Variants in CNTN5 observed in about 807,000 individuals in gnomAD.
CNTN5 encodes contactin 5, also known as contactin-5.
CNTN5 carries 77 observed loss-of-function variants against 129.1 expected under a neutral mutation model. That is an observed-to-expected ratio of 0.60 (90% confidence interval 0.50 to 0.72). The LOEUF (loss-of-function observed/expected upper bound fraction) is 0.72, where lower values mean the gene tolerates loss of function less well. Ranked by LOEUF, CNTN5 falls within the 30% of genes least tolerant of loss-of-function variation. The pLI, the probability that CNTN5 is intolerant of heterozygous loss-of-function variation, is 0.00. For missense variants in CNTN5, 1,478 were observed against 1,328.8 expected, an observed-to-expected ratio of 1.11 and a Z score of -1.75; for synonymous variants, 509 against 465.6, an observed-to-expected ratio of 1.09 and a Z score of -1.20.
chr11:99,682,205 T>G (rs979723811), intron 3 of CNTN5, among the ~76,000 whole-genome samples: 1 of 152,046 alleles, frequency 6.6e-6, no homozygotes, highest in African/African-American at 2.4e-5. Flanking sequence ...ATTTATTTCT[T>G]GAAATATGAC....
chr11:100,270,015 C>A (rs1018650906), intron 17 of CNTN5, among the ~76,000 whole-genome samples: 1 of 152,146 alleles, frequency 6.6e-6, no homozygotes, highest in East Asian at 1.9e-4. Context: ...AGACTCCAAG[C>A]GTACTGCTCA....
chr11:99,524,812 CA>C lies in CNTN5; in HGVS notation c.-70-31324del, dbSNP rs559025984. Among the ~76,000 whole-genome samples the C allele has an allele frequency of 1.6e-3, 238 of 148,790 alleles. 2 individuals carry two copies. Among genetic ancestry groups the C allele is most frequent in the African/African-American group, 4.8e-3 (193 of 40,572 alleles). On this transcript the variant is annotated intron_variant, in intron 2 of 24. Coordinates refer to ENST00000524871, the MANE Select transcript of CNTN5 (RefSeq NM_014361.4). ...AGCAAGATTCCATCTCAAAAAAAAA[CA>C]AAAAAAAAGTGTATTTATATGTATA... is the stretch of plus-strand genomic sequence containing the variant.
intron 13 of CNTN5, among the ~76,000 whole-genome samples, chr11:100,174,030 G>A (rs533022298): frequency 3.9e-5 from 6 of 152,208 alleles, no homozygotes; most frequent in South Asian, 2.1e-4. Flanking sequence ...TCAGAGCTAA[G>A]CTTTACCTTT....
At chr11:100,231,890 C>T (rs1949498338) in intron 16 of CNTN5, among the ~76,000 whole-genome samples, 1 of 152,182 alleles carries the variant, frequency 6.6e-6, no homozygotes, top group African/African-American at 2.4e-5. Flanking sequence ...CACAGTGGCT[C>T]ACACCTGTAT....
intron 1 of CNTN5, among the ~76,000 whole-genome samples, chr11:99,312,285 G>A (rs376139730): frequency 4.6e-5 from 7 of 152,014 alleles, no homozygotes; most frequent in East Asian, 1.9e-4. Flanking sequence ...ATGAAACACC[G>A]GGGTTAAAGA....
intron 8 of CNTN5, among the ~76,000 whole-genome samples, chr11:99,987,477 A>T (rs1938760793): frequency 6.6e-6 from 1 of 150,640 alleles, no homozygotes; most frequent in Non-Finnish European, 1.5e-5. Flanking sequence ...TTCTTTCTCC[A>T]TATGTGTATA....
At chr11:100,335,510 G>A (rs1008004596) in intron 21 of CNTN5, among the ~76,000 whole-genome samples, 6 of 152,160 alleles carry the variant, frequency 3.9e-5, no homozygotes, top group Non-Finnish European at 7.3e-5. Flanking sequence ...GGTGGCTCAC[G>A]CCTGTCCAGC....
At chr11:100,250,446 C>T (rs1177025533) in intron 16 of CNTN5, among the ~76,000 whole-genome samples, 3 of 151,750 alleles carry the variant, frequency 2.0e-5, no homozygotes, top group Non-Finnish European at 2.9e-5. Flanking sequence ...AATTGTATGT[C>T]AAGTACCATG....
At chr11:99,701,424 TGAAGA>T (rs920553845) in intron 3 of CNTN5, among the ~76,000 whole-genome samples, 1 of 151,230 alleles carries the variant, frequency 6.6e-6, no homozygotes, top group African/African-American at 2.4e-5. Flanking sequence ...TTGTAGAATA[TGAAGA>T]GAAGAGTTCA....
At chr11:99,805,753 A>G (rs1433265525) in intron 3 of CNTN5, among the ~76,000 whole-genome samples, 1 of 152,212 alleles carries the variant, frequency 6.6e-6, no homozygotes, top group African/African-American at 2.4e-5. Flanking sequence ...TGCAATTATT[A>G]TACAAGTGTC....
intron 21 of CNTN5, among the ~76,000 whole-genome samples, chr11:100,312,893 C>T (rs1015841608): frequency 6.6e-6 from 1 of 151,956 alleles, no homozygotes; most frequent in African/African-American, 2.4e-5. Context: ...AATGTTACAT[C>T]CTAATGGGGG....
At chr11:99,494,944 AT>A (rs1327982953) in intron 2 of CNTN5, among the ~76,000 whole-genome samples, 1 of 152,246 alleles carries the variant, frequency 6.6e-6, no homozygotes, top group Admixed American at 6.5e-5. Context: ...GTTACAATTA[AT>A]TATAATTGGT....
chr11:99,938,010 T>C (rs1183584100), intron 7 of CNTN5, among the ~76,000 whole-genome samples: 1 of 152,252 alleles, frequency 6.6e-6, no homozygotes, highest in Non-Finnish European at 1.5e-5. Context: ...CTTTCTGTTT[T>C]GGAAGTAGTG....
intron 9 of CNTN5, among the ~76,000 whole-genome samples, chr11:100,020,229 T>A (rs1941056665): frequency 6.6e-6 from 1 of 152,072 alleles, no homozygotes. Context: ...AAGAAGCTTT[T>A]TCCTCTGTTT....
At chr11:100,249,539 C>G (rs1949917957) in intron 16 of CNTN5, among the ~76,000 whole-genome samples, 1 of 152,160 alleles carries the variant, frequency 6.6e-6, no homozygotes, top group African/African-American at 2.4e-5. Context: ...AAACAGTTGT[C>G]AGATTACTGG....
At chr11:99,795,676 C>A (rs1467267840) in intron 3 of CNTN5, among the ~76,000 whole-genome samples, 2 of 145,838 alleles carry the variant, frequency 1.4e-5, no homozygotes, top group African/African-American at 5.1e-5. Flanking sequence ...AAATTATCTT[C>A]TTTGGTGTCT....
At chr11:100,046,010 GGTTA>G (rs1422926028) in intron 9 of CNTN5, among the ~76,000 whole-genome samples, 2 of 151,802 alleles carry the variant, frequency 1.3e-5, no homozygotes, top group Non-Finnish European at 2.9e-5. Flanking sequence ...ACAATGTGCA[GGTTA>G]GTTACATATG....
At chr11:99,947,674 C>T (rs180743067) in intron 7 of CNTN5, among the ~76,000 whole-genome samples, 1 of 152,222 alleles carries the variant, frequency 6.6e-6, no homozygotes, top group African/African-American at 2.4e-5. Context: ...ACTCAAGTTC[C>T]ACATTTAACA....
chr11:99,185,693 G>T (rs190883600), intron 1 of CNTN5, among the ~76,000 whole-genome samples: 7 of 151,804 alleles, frequency 4.6e-5, no homozygotes, highest in Non-Finnish European at 8.9e-5. Flanking sequence ...GTGAGCTAAT[G>T]ATTTAAATTT....
Sources: gnomAD v4.1 joint callset for allele counts (sites outside exome capture counted in the v4.1 genomes callset) on GRCh38, gnomAD v4.1.1 for gene constraint, MANE v1.5 for transcripts, NCBI Gene and HGNC (gene_info 2026-07-23, HGNC 2026-07-21) for gene names.